The following TNRC6B variants were observed in gnomAD, a reference collection of about 807,000 sequenced individuals.
The protein encoded by TNRC6B is trinucleotide repeat-containing gene 6B protein.
Under a neutral mutation model 203.6 loss-of-function variants are expected in TNRC6B, and 52 were observed. The observed-to-expected ratio is 0.26, with a 90% CI of 0.20 to 0.32. The LOEUF is 0.32. Among genes scored for constraint, TNRC6B ranks in the 10% least tolerant of loss-of-function variants. TNRC6B has a pLI of 1.00. For synonymous variants in TNRC6B, 838 were observed against 845.7 expected (o/e 0.99, Z 0.16); for missense variants, 1,923 against 2,286.2 (o/e 0.84, Z 3.24).
chr22:40,286,593 G>A (rs192856173), intron 12 of TNRC6B, among the ~76,000 whole-genome samples: 111 of 152,256 alleles, frequency 7.3e-4, no homozygotes, highest in Admixed American at 2.6e-3. Context: ...GCAATTAGGT[G>A]CTCTAGGGGG....
chr22:40,325,139 G>A lies in TNRC6B; in HGVS notation c.*1898G>A, dbSNP rs1762668341. 1 of 152,576 alleles carries A rather than the reference G, an allele frequency of 6.6e-6. No individual in the cohort carries two copies. Among genetic ancestry groups the A allele is most frequent in the Non-Finnish European group, 1.5e-5 (1 of 68,050 alleles). 9.5% of individuals were successfully genotyped at this position (152,576 alleles called of 1,614,324 possible). A position where few individuals can be genotyped will look rare whatever the true frequency, so the allele number is the denominator to read the frequency against. ...CGACATTTTGTACCAGCAAATACCT[G>A]CCCATTCCAACCCTTGGTGGGAGCA... On this transcript the variant is annotated 3_prime_UTR_variant, in exon 23 of 23. Coordinates refer to ENST00000454349, the MANE Select transcript of TNRC6B (RefSeq NM_001162501.2).
At chr22:40,132,990 A>ATATATT (rs1167644137) in intron 3 of TNRC6B, among the ~76,000 whole-genome samples, 2 of 135,696 alleles carry the variant, frequency 1.5e-5, no homozygotes, top group Non-Finnish European at 3.2e-5. Flanking sequence ...ATATATATAT[A>ATATATT]TTCTGTAAAA....
chr22:40,304,452 A>G (rs375728069), intron 15 of TNRC6B, among the ~76,000 whole-genome samples: 4 of 152,336 alleles, frequency 2.6e-5, no homozygotes, highest in East Asian at 1.9e-4. Context: ...GTTAGGTGAT[A>G]ATGACCTATC....
At chr22:40,182,479 T>G (rs1055526052) in intron 1 of TNRC6B, among the ~76,000 whole-genome samples, 2 of 152,190 alleles carry the variant, frequency 1.3e-5, no homozygotes, top group Admixed American at 6.5e-5. Flanking sequence ...TGGAGTGAAT[T>G]GAAGCCACTT....
At chr22:40,245,475 A>G (rs1381527627) in intron 1 of TNRC6B, among the ~76,000 whole-genome samples, 2 of 152,148 alleles carry the variant, frequency 1.3e-5, no homozygotes, top group Admixed American at 6.5e-5. Flanking sequence ...TAAAACAAAT[A>G]GAAAATATAT....
chr22:40,050,828 G>A (rs1601784345), intron 1 of TNRC6B, among the ~76,000 whole-genome samples: 2 of 141,114 alleles, frequency 1.4e-5, no homozygotes. Flanking sequence ...TTGTTTTTGG[G>A]TTTTTTTTTT....
chr22:40,223,582 T>G (rs574644808), intron 1 of TNRC6B, among the ~76,000 whole-genome samples: 1 of 152,244 alleles, frequency 6.6e-6, no homozygotes, highest in Non-Finnish European at 1.5e-5. Flanking sequence ...TGAAGACTTA[T>G]CTTCCTTAGT....
intron 2 of TNRC6B, 29 bp downstream of exon 2, chr22:40,246,131 T>G: frequency 6.7e-7 from 1 of 1,496,292 alleles, no homozygotes; most frequent in Non-Finnish European, 9.0e-7. Flanking sequence ...GTCTGTCTTT[T>G]TATCTGCTAG....
At chr22:40,109,773 C>T (rs2068316820) in intron 1 of TNRC6B, among the ~76,000 whole-genome samples, 1 of 152,198 alleles carries the variant, frequency 6.6e-6, no homozygotes, top group Admixed American at 6.5e-5. Context: ...CTGAAGGCGG[C>T]ACAGGTTATC....
At chr22:40,047,476 G>T (rs552971038) in intron 1 of TNRC6B, among the ~76,000 whole-genome samples, 3 of 152,068 alleles carry the variant, frequency 2.0e-5, no homozygotes, top group South Asian at 2.1e-4. Context: ...GGTGGTGGGC[G>T]CCTGTAATCC....
intron 17 of TNRC6B, among the ~76,000 whole-genome samples, chr22:40,312,103 C>T (rs533323959): frequency 2.6e-5 from 4 of 152,318 alleles, no homozygotes; most frequent in Middle Eastern, 3.4e-3. Context: ...GCCAACATCT[C>T]GTAAGGAAAA....
chr22:40,303,743 C>G (rs1189044061), intron 15 of TNRC6B, among the ~76,000 whole-genome samples: 2 of 152,040 alleles, frequency 1.3e-5, no homozygotes, highest in Admixed American at 6.6e-5. Flanking sequence ...AACCCCGTCT[C>G]TACTAAAAAT....
rs993956760 is a variant in TNRC6B at position 40,202,955 on chromosome 22, A to G, written c.5+24815A>G. Among the ~76,000 whole-genome samples the G allele has an allele frequency of 2.0e-5, 3 of 152,216 alleles. No individual in the cohort carries two copies. The East Asian group carries it at 5.8e-4, about 29-fold the overall frequency. ...CCAGGTTTTCACTAATGTTTGATCT[A>G]ACACACTGAATTTAGTGAGGAGGAC... On this transcript the variant is annotated intron_variant, in intron 1 of 22. Transcript: ENST00000454349.
rs116380039 is a variant in TNRC6B, at chr22:40,192,881, A to G, written c.5+14741A>G. Among the ~76,000 whole-genome samples, 305 of 152,344 alleles carry G rather than the reference A, an allele frequency of 2.0e-3. 1 individual carries two copies. The highest frequency in any genetic ancestry group is 7.2e-3 in the African/African-American group (298 of 41,574). On this transcript the variant is annotated intron_variant, in intron 1 of 22. Coordinates refer to ENST00000454349, the MANE Select transcript of TNRC6B (RefSeq NM_001162501.2). ...TAATATAACTTGGCAGGCAGAAATA[A>G]GGGTCTGGAGCTCAAGGCAGAAGCT...
At chr22:40,154,860 A>AAATATATATATAT (rs1555885936) in intron 3 of TNRC6B, among the ~76,000 whole-genome samples, 2 of 23,590 alleles carry the variant, frequency 8.5e-5, no homozygotes, top group Non-Finnish European at 1.2e-4. Flanking sequence ...AAAAAAAAAA[A>AAATATATATATAT]ATATATATAT....
At position 40,157,216 on chromosome 22, in the gene TNRC6B, A is replaced by C. The variant is rs112889576; in HGVS notation, c.113+1034A>C. 5.3e-5 allele frequency among the ~76,000 whole-genome samples: 8 copies of C among 152,214 alleles called. 1 individual carries two copies. Among genetic ancestry groups the C allele is most frequent in the African/African-American group, 1.9e-4 (8 of 41,534 alleles). ...GACTGGTTTTTCATATGCCCTTTTA[A>C]AGGAAAAACAGTTAAGACTGCTTAA... On this transcript the variant is annotated intron_variant, in intron 4 of 23. Coordinates refer to the TNRC6B transcript ENST00000301923.
At chr22:40,102,098 G>A (rs1351565046) in intron 1 of TNRC6B, among the ~76,000 whole-genome samples, 2 of 152,030 alleles carry the variant, frequency 1.3e-5, no homozygotes, top group Non-Finnish European at 2.9e-5. Context: ...AATTTCTAAG[G>A]GTTAGTTTAA....
chr22:40,299,230 G>T (rs1201175432), intron 12 of TNRC6B, among the ~76,000 whole-genome samples: 1 of 147,120 alleles, frequency 6.8e-6, no homozygotes, highest in African/African-American at 2.5e-5. Context: ...TCTGCCTCTA[G>T]AACTAAAGTC....
At chr22:40,305,047 G>A (rs765433124) in intron 15 of TNRC6B, among the ~76,000 whole-genome samples, 10 of 152,232 alleles carry the variant, frequency 6.6e-5, no homozygotes, top group Non-Finnish European at 1.2e-4. Flanking sequence ...CAGGATCAGT[G>A]TAAGGACAAG....
Sources: allele counts gnomAD v4.1 joint callset (sites outside exome capture counted in the v4.1 genomes callset), GRCh38; gene constraint gnomAD v4.1.1; transcripts MANE v1.5; gene names NCBI Gene and HGNC (gene_info 2026-07-23, HGNC 2026-07-21).